Variants in ANK3 observed in about 807,000 individuals in gnomAD.
ANK3 encodes the protein ankyrin-3.
In ANK3, 57 loss-of-function variants were observed where a neutral mutation model predicts 370.9. The observed-to-expected ratio is 0.15, with a 90% CI of 0.12 to 0.19. ANK3 has a LOEUF of 0.19. Ranked by LOEUF, ANK3 falls within the 10% of genes least tolerant of loss-of-function variation. The probability of loss-of-function intolerance (pLI) is 1.00; values close to 1 mark genes in which losing one functional copy is unlikely to be tolerated. For missense variants in ANK3, 4,439 were observed against 5,302.1 expected (o/e 0.84, Z 5.06); for synonymous variants, 1,929 against 1,946.3 (o/e 0.99, Z 0.23).
intron 2 of ANK3, among the ~76,000 whole-genome samples, chr10:60,436,383 T>C (rs1337513653): frequency 2.0e-5 from 3 of 152,252 alleles, no homozygotes; most frequent in Non-Finnish European, 2.9e-5. Context: ...TTTGAGGAAC[T>C]GCCAAACTGT....
intron 1 of ANK3, among the ~76,000 whole-genome samples, chr10:60,334,425 A>G (rs931276931): frequency 4.6e-5 from 7 of 152,130 alleles, no homozygotes; most frequent in Non-Finnish European, 1.0e-4. Context: ...TTGCACTCTT[A>G]GCAAGCCAGC....
intron 1 of ANK3, among the ~76,000 whole-genome samples, chr10:60,707,802 AT>A (rs1224253664): frequency 6.6e-6 from 1 of 152,034 alleles, no homozygotes; most frequent in South Asian, 2.1e-4. Flanking sequence ...TGCTGCAGGA[AT>A]TTTCCTTAGT....
At chr10:60,244,622 GT>G (rs1373125797) in intron 7 of ANK3, among the ~76,000 whole-genome samples, 1 of 152,074 alleles carries the variant, frequency 6.6e-6, no homozygotes, top group Non-Finnish European at 1.5e-5. Flanking sequence ...AGATTTTTAT[GT>G]TTTCTCATTC....
chr10:60,627,633 C>T (rs1465138219), intron 1 of ANK3, among the ~76,000 whole-genome samples: 1 of 152,034 alleles, frequency 6.6e-6, no homozygotes, highest in Admixed American at 6.6e-5. Context: ...GCTATGATAT[C>T]GTTTATCTGA....
At chr10:60,330,826 T>C (rs1566632648) in intron 1 of ANK3, among the ~76,000 whole-genome samples, 2 of 152,210 alleles carry the variant, frequency 1.3e-5, no homozygotes. Context: ...TGTATGTTTA[T>C]TGCGGCACTG....
At position 60,073,017 on chromosome 10, in the gene ANK3, A is replaced by C; in HGVS notation, c.7864T>G (p.Ser2622Ala). ...KARPKNGKEY[S>A]SQSPTSSSPE... ...CTGCTACTGGTAGGGCTTTGAGAAG[A>C]ATATTCTTTGCCATTTTTAGGGCGT... is the stretch of plus-strand genomic sequence containing the variant. Residue 2622 changes from serine to alanine, a missense_variant, in exon 37 of 44, where the codon TCT becomes GCT. By Grantham distance (99) the Ser-to-Ala change is moderately conservative. Transcript: ENST00000280772. 6.2e-7 allele frequency: 1 copy of C among 1,614,062 alleles called. No individual in the cohort carries two copies. The highest frequency in any genetic ancestry group is 8.5e-7 in the Non-Finnish European group (1 of 1,179,986).
chr10:60,689,667 G>A (rs1489711049), intron 1 of ANK3, among the ~76,000 whole-genome samples: 4 of 150,570 alleles, frequency 2.7e-5, no homozygotes, highest in East Asian at 2.0e-4. Flanking sequence ...CAGGAGAATC[G>A]CCTGAACCCA....
chr10:60,398,827 C>T (rs2063296633), intron 2 of ANK3, among the ~76,000 whole-genome samples: 1 of 152,172 alleles, frequency 6.6e-6, no homozygotes, highest in Non-Finnish European at 1.5e-5. Flanking sequence ...GAGTGAACCT[C>T]TAACAGTGTC....
intron 1 of ANK3, among the ~76,000 whole-genome samples, chr10:60,669,181 G>A (rs1169391367): frequency 6.6e-6 from 1 of 152,124 alleles, no homozygotes; most frequent in Non-Finnish European, 1.5e-5. Context: ...TTGTATTTAT[G>A]AGCTACACTC....
In ANK3 at chr10:60,539,250, T is replaced by C. The variant is rs535620566; in HGVS notation, c.96+75936A>G. Among the ~76,000 whole-genome samples the C allele has an allele frequency of 2.6e-5, 4 of 152,076 alleles. No individual in the cohort carries two copies. The East Asian group carries it at 7.7e-4, about 29-fold the overall frequency. On this transcript the variant is annotated intron_variant, in intron 2 of 43. Transcript: ENST00000373827. ...GTTAGAAATTTCATGCATATAAAAT[T>C]GATCCACAGGAAGTTTTAAAAAGCA...
Position 60,073,534 on chromosome 10 carries a change from A to G in ANK3, c.7347T>C (p.His2449=), listed in dbSNP as rs148226152. 96 of 1,613,984 alleles carry G rather than the reference A, an allele frequency of 5.9e-5. No homozygotes were observed. Among genetic ancestry groups the G allele is most frequent in the Non-Finnish European group, 7.8e-5 (92 of 1,180,018 alleles). The change falls in exon 37 of 44, where the codon CAT becomes CAC. Residue 2449 remains histidine (H), a synonymous_variant. Transcript: ENST00000280772. ...CTCTTAGTTCTGACAACTCATCGTC[A>G]TGGTATTCTATTGAGTGTTGACTCA... is the stretch of plus-strand genomic sequence containing the variant. ...KLLSQHSIEY[H]DDELSELRGE... is the part of the protein sequence containing the mutation.
intron 2 of ANK3, among the ~76,000 whole-genome samples, chr10:60,603,748 A>G (rs2078095419): frequency 1.3e-5 from 2 of 152,142 alleles, no homozygotes; most frequent in South Asian, 4.1e-4. Flanking sequence ...AGATACTGGT[A>G]TCAAGTTAAT....
At chr10:60,311,379 C>T (rs1052010675) in intron 1 of ANK3, among the ~76,000 whole-genome samples, 1 of 151,638 alleles carries the variant, frequency 6.6e-6, no homozygotes, top group African/African-American at 2.4e-5. Context: ...TGAAATGTAA[C>T]CCTACTTTGC....
At chr10:60,119,528 A>C (rs187211179) in intron 25 of ANK3, among the ~76,000 whole-genome samples, 1 of 152,320 alleles carries the variant, frequency 6.6e-6, no homozygotes, top group East Asian at 1.9e-4. Flanking sequence ...ACACTTTGGG[A>C]GGCTGAGGTG....
chr10:60,054,292 T>A (rs1306590578), intron 42 of ANK3, among the ~76,000 whole-genome samples: 1 of 152,158 alleles, frequency 6.6e-6, no homozygotes. Context: ...ACCACTTAAA[T>A]ATACTAAAAG....
At position 60,064,291 on chromosome 10, in the gene ANK3, G is replaced by A. The variant is rs769491183; in HGVS notation, c.12320-3C>T. The A allele has an allele frequency of 6.4e-7, 1 of 1,561,222 alleles. No individual in the cohort carries two copies. Among genetic ancestry groups the A allele is most frequent in the South Asian group, 1.2e-5 (1 of 80,726 alleles). On this transcript the variant is annotated splice_region_variant and splice_polypyrimidine_tract_variant and intron_variant, in intron 38 of 43. Coordinates refer to ENST00000280772, the MANE Select transcript of ANK3 (RefSeq NM_020987.5). Reference sequence around the variant, plus strand: ...AAAATTCAGTTCCCTTGCCAGTTCTGTAGAAAAGAAAGAGAGTTACTAAGA... The same window carrying A: ...AAAATTCAGTTCCCTTGCCAGTTCTATAGAAAAGAAAGAGAGTTACTAAGA...
intron 1 of ANK3, among the ~76,000 whole-genome samples, chr10:60,350,014 A>G (rs1375187303): frequency 6.6e-6 from 1 of 152,232 alleles, no homozygotes; most frequent in Non-Finnish European, 1.5e-5. Context: ...CATTTCCTAT[A>G]TATTTCAAGT....
intron 35 of ANK3, among the ~76,000 whole-genome samples, chr10:60,081,214 A>T (rs2132003565): frequency 6.6e-6 from 1 of 152,322 alleles, no homozygotes; most frequent in Admixed American, 6.5e-5. Context: ...CCTCCTGAGT[A>T]GATGGGATTA....
At chr10:60,710,364 T>G (rs1355758460) in intron 1 of ANK3, among the ~76,000 whole-genome samples, 1 of 152,168 alleles carries the variant, frequency 6.6e-6, no homozygotes, top group Non-Finnish European at 1.5e-5. Flanking sequence ...TCTTTACAGT[T>G]GTTTACCTTT....
Sources: allele counts gnomAD v4.1 joint callset (sites outside exome capture counted in the v4.1 genomes callset), GRCh38; gene constraint gnomAD v4.1.1; transcripts MANE v1.5; gene names NCBI Gene and HGNC (gene_info 2026-07-23, HGNC 2026-07-21).